GLB1: variants seen among roughly 807,000 people sequenced by gnomAD.
GLB1 encodes the protein beta-galactosidase.
Under a neutral mutation model 74.0 loss-of-function variants are expected in GLB1, and 56 were observed. The ratio of observed to expected loss-of-function variants is 0.76; its 90% CI spans 0.61 to 0.94. GLB1 has a LOEUF of 0.94. Ranked by LOEUF, GLB1 falls within the 40% of genes least tolerant of loss-of-function variation. The pLI is 0.00. For synonymous variants in GLB1, 323 were observed against 323.6 expected (o/e 1.00, Z 0.02); for missense variants, 787 against 845.5 (o/e 0.93, Z 0.86).
At chr3:32,964,758 C>T in the GLB1 span, among the ~76,000 whole-genome samples, 3 of 152,158 alleles carry the variant, frequency 2.0e-5, no homozygotes, top group Non-Finnish European at 1.5e-5. Flanking sequence ...ATGTTGGTAA[C>T]ATCACAGTTG....
intron 1 of GLB1, among the ~76,000 whole-genome samples, chr3:33,082,794 T>G (rs1284088062): frequency 6.6e-6 from 1 of 152,220 alleles, no homozygotes; most frequent in Non-Finnish European, 1.5e-5. Flanking sequence ...GGACTGTCTG[T>G]GCATTCATGG....
intron 10 of GLB1, among the ~76,000 whole-genome samples, chr3:33,044,921 A>C (rs1055537044): frequency 3.9e-5 from 6 of 152,236 alleles, no homozygotes; most frequent in Admixed American, 3.3e-4. Flanking sequence ...TAGCAGGACT[A>C]AGCAGTTCAG....
chr3:32,965,953 A>G, the GLB1 span, among the ~76,000 whole-genome samples: 68 of 152,336 alleles, frequency 4.5e-4, no homozygotes, highest in South Asian at 0.014. Context: ...GAGGTTTGGG[A>G]ACCTCTGCCT....
downstream of GLB1, among the ~76,000 whole-genome samples, chr3:32,995,037 ACT>A (rs1417856341): frequency 6.6e-6 from 1 of 151,828 alleles, no homozygotes. Context: ...AAGACAAAAC[ACT>A]CTGGCTTTGG....
chr3:32,963,045 A>T, the GLB1 span, among the ~76,000 whole-genome samples: 1 of 152,200 alleles, frequency 6.6e-6, no homozygotes, highest in Non-Finnish European at 1.5e-5. Context: ...TATGTATGTT[A>T]AATTAATTAG....
At chr3:32,986,253 T>C in the GLB1 span, among the ~76,000 whole-genome samples, 4,434 of 152,244 alleles carry the variant, frequency 0.029, 208 homozygotes, top group African/African-American at 0.098. Context: ...CCTTTATGGA[T>C]TGGGTCCCAG....
At chr3:33,086,123 A>G (rs1219718269) in intron 1 of GLB1, among the ~76,000 whole-genome samples, 1 of 152,160 alleles carries the variant, frequency 6.6e-6, no homozygotes, top group Non-Finnish European at 1.5e-5. Context: ...CTGGCCAAAG[A>G]TGGGCTATTT....
chr3:33,026,375 C>G (rs1465927669), intron 10 of GLB1, among the ~76,000 whole-genome samples: 1 of 152,178 alleles, frequency 6.6e-6, no homozygotes, highest in Non-Finnish European at 1.5e-5. Context: ...CTTTGGGCAC[C>G]GATGAGCACA....
At chr3:33,079,973 A>G (rs1322200694) in intron 1 of GLB1, among the ~76,000 whole-genome samples, 1 of 152,170 alleles carries the variant, frequency 6.6e-6, no homozygotes, top group Non-Finnish European at 1.5e-5. Context: ...CTGTAGAGAT[A>G]GGATCTCACT....
chr3:32,974,740 C>T, the GLB1 span, among the ~76,000 whole-genome samples: 1 of 152,116 alleles, frequency 6.6e-6, no homozygotes, highest in East Asian at 1.9e-4. Context: ...AGACTGATGT[C>T]CCAGCTCAAG....
chr3:33,097,110 G>C lies in GLB1; in HGVS notation c.-25C>G, dbSNP rs368944274. The C allele has an allele frequency of 3.0e-4, 481 of 1,610,794 alleles. 5 individuals carry two copies. In the Middle Eastern group the frequency reaches 4.6e-3, roughly 16 times the overall value. ...TGACCACCAGCCTCCCGGCTCTGCA[G>C]TCGGCGCCCAGGCCGGCCGCTTCGC... On this transcript the variant is annotated 5_prime_UTR_variant, in exon 1 of 16. Coordinates refer to ENST00000307363, the MANE Select transcript of GLB1 (RefSeq NM_000404.4).
At chr3:33,025,446 C>G (rs1697700638) in intron 10 of GLB1, among the ~76,000 whole-genome samples, 1 of 152,196 alleles carries the variant, frequency 6.6e-6, no homozygotes, top group Non-Finnish European at 1.5e-5. Context: ...ATGTCTGTAG[C>G]CATCCGGCTT....
chr3:32,986,873 G>A, the GLB1 span, among the ~76,000 whole-genome samples: 1 of 152,124 alleles, frequency 6.6e-6, no homozygotes, highest in Non-Finnish European at 1.5e-5. Context: ...TTACAGCCAT[G>A]AGCCACTGCT....
At chr3:33,035,240 C>T (rs34827860) in intron 10 of GLB1, among the ~76,000 whole-genome samples, 14,040 of 151,748 alleles carry the variant, frequency 0.093, 807 homozygotes, top group Non-Finnish European at 0.13. Flanking sequence ...GAGAGCAGCC[C>T]GGGCAACATA....
intron 1 of GLB1, among the ~76,000 whole-genome samples, chr3:33,076,062 G>A (rs964701320): frequency 3.1e-4 from 45 of 145,306 alleles, no homozygotes; most frequent in Non-Finnish European, 3.3e-4. Context: ...AAAAAAAAAA[G>A]CAAAGTTGAC....
chr3:33,069,121 G>A, intron 2 of GLB1, 151 bp from the exon 3 acceptor site: 2 of 1,360,622 alleles, frequency 1.5e-6, no homozygotes, highest in South Asian at 2.6e-5. Flanking sequence ...TGGGCACAGT[G>A]GCTCAGGCCT....
chr3:33,080,801 G>T (rs1457687041), intron 1 of GLB1, among the ~76,000 whole-genome samples: 4 of 152,206 alleles, frequency 2.6e-5, no homozygotes, highest in Admixed American at 2.6e-4. Flanking sequence ...TGCACCCAAT[G>T]TTCTGCTTCT....
chr3:33,030,592 A>G (rs1376875760), intron 10 of GLB1: 1 of 985,356 alleles, frequency 1.0e-6, no homozygotes, highest in East Asian at 1.1e-4. Context: ...CAGCCAGTGT[A>G]GACAAATCCT....
At chr3:32,977,948 A>G in the GLB1 span, among the ~76,000 whole-genome samples, 1 of 152,194 alleles carries the variant, frequency 6.6e-6, no homozygotes, top group South Asian at 2.1e-4. Flanking sequence ...ACACAGTTCC[A>G]TGGATATTTA....
Sources: allele counts gnomAD v4.1 joint callset (sites outside exome capture counted in the v4.1 genomes callset), GRCh38; gene constraint gnomAD v4.1.1; transcripts MANE v1.5; gene names NCBI Gene and HGNC (gene_info 2026-07-23, HGNC 2026-07-21).